PDE1A: variants seen among roughly 807,000 people sequenced by gnomAD.
PDE1A encodes phosphodiesterase 1A, also known as dual specificity calcium/calmodulin-dependent 3',5'-cyclic nucleotide phosphodiesterase 1A.
Under a neutral mutation model 61.7 loss-of-function variants are expected in PDE1A, and 35 were observed. That is an observed-to-expected ratio of 0.57 (90% CI 0.43 to 0.75). The LOEUF is 0.75. Ranked by LOEUF, PDE1A falls within the 30% of genes least tolerant of loss-of-function variation. The probability of loss-of-function intolerance (pLI) is 0.00; values close to 1 mark genes in which losing one functional copy is unlikely to be tolerated. For synonymous variants in PDE1A, 232 were observed against 213.2 expected, an observed-to-expected ratio of 1.09 and a Z score of -0.77; for missense variants, 597 against 630.6, an observed-to-expected ratio of 0.95 and a Z score of 0.57.
chr2:182,179,635 C>G (rs1395944186), intron 13 of PDE1A, among the ~76,000 whole-genome samples: 1 of 151,756 alleles, frequency 6.6e-6, no homozygotes, highest in East Asian at 1.9e-4. Flanking sequence ...GGTTTTCTAC[C>G]TCTCTCCTTC....
intron 1 of PDE1A, among the ~76,000 whole-genome samples, chr2:182,410,089 T>C (rs372645147): frequency 5.3e-5 from 8 of 152,318 alleles, no homozygotes; most frequent in Middle Eastern, 3.4e-3. Flanking sequence ...TGGTGGCTTA[T>C]GCTTGTAATC....
chr2:182,505,778 G>A (rs767547228), intron 2 of PDE1A, among the ~76,000 whole-genome samples: 2 of 152,194 alleles, frequency 1.3e-5, no homozygotes, highest in Non-Finnish European at 2.9e-5. Context: ...GCATGGCCAA[G>A]AGTAAGTATG....
the PDE1A span, among the ~76,000 whole-genome samples, chr2:182,603,635 T>A: frequency 2.6e-5 from 4 of 152,194 alleles, no homozygotes; most frequent in Admixed American, 2.6e-4. Context: ...TTATTAGTAG[T>A]TGCAGAATGC....
At chr2:182,449,350 G>T (rs962655192) in intron 2 of PDE1A, among the ~76,000 whole-genome samples, 1 of 151,428 alleles carries the variant, frequency 6.6e-6, no homozygotes, top group Non-Finnish European at 1.5e-5. Context: ...AAGAAGGAAG[G>T]AAGGAAGGGA....
intron 2 of PDE1A, among the ~76,000 whole-genome samples, chr2:182,470,888 G>C (rs1034122473): frequency 6.6e-6 from 1 of 151,780 alleles, no homozygotes; most frequent in Admixed American, 6.6e-5. Context: ...CATTTTTATA[G>C]AGATACTATG....
intron 1 of PDE1A, among the ~76,000 whole-genome samples, chr2:182,289,332 A>G (rs1305853824): frequency 1.3e-5 from 2 of 152,114 alleles, no homozygotes; most frequent in Non-Finnish European, 2.9e-5. Context: ...GATTTCAGGT[A>G]ACATAGCAGA....
intron 1 of PDE1A, among the ~76,000 whole-genome samples, chr2:182,353,145 A>G (rs1227283649): frequency 1.3e-5 from 2 of 152,186 alleles, no homozygotes; most frequent in Admixed American, 6.6e-5. Context: ...ACACTTGCTC[A>G]TGGCAAAGTA....
intron 1 of PDE1A, among the ~76,000 whole-genome samples, chr2:182,298,501 G>T (rs781111187): frequency 6.6e-6 from 1 of 152,206 alleles, no homozygotes; most frequent in South Asian, 2.1e-4. Context: ...GGGACAATGC[G>T]GGTGGATGCA....
chr2:182,228,529 A>G (rs1162604048), intron 6 of PDE1A, among the ~76,000 whole-genome samples: 1 of 152,144 alleles, frequency 6.6e-6, no homozygotes, highest in African/African-American at 2.4e-5. Flanking sequence ...AAATTTCTAT[A>G]AAGCTTTTTT....
At chr2:182,386,313 G>T (rs892287079) in intron 1 of PDE1A, among the ~76,000 whole-genome samples, 2 of 151,470 alleles carry the variant, frequency 1.3e-5, no homozygotes, top group Admixed American at 6.6e-5. Flanking sequence ...CCCATCATCT[G>T]GGATGTGAGG....
chr2:182,418,866 T>C (rs1035020527), intron 1 of PDE1A, among the ~76,000 whole-genome samples: 16 of 152,108 alleles, frequency 1.1e-4, no homozygotes, highest in African/African-American at 3.9e-4. Context: ...CACAGATGCA[T>C]GGAAAAGACC....
the PDE1A span, among the ~76,000 whole-genome samples, chr2:182,620,727 T>G: frequency 6.6e-6 from 1 of 152,218 alleles, no homozygotes; most frequent in African/African-American, 2.4e-5. Flanking sequence ...TACACAAATA[T>G]AATTTTCTTT....
intron 2 of PDE1A, among the ~76,000 whole-genome samples, chr2:182,485,381 G>A (rs1559504456): frequency 6.6e-6 from 1 of 152,044 alleles, no homozygotes; most frequent in Non-Finnish European, 1.5e-5. Flanking sequence ...ATGGGTGGGA[G>A]GAGAGGGAGG....
chr2:182,309,320 A>G (rs1343871168), intron 1 of PDE1A, among the ~76,000 whole-genome samples: 1 of 152,120 alleles, frequency 6.6e-6, no homozygotes, highest in Non-Finnish European at 1.5e-5. Flanking sequence ...ATAGAAAATA[A>G]CATTGAGCAT....
chr2:182,396,905 T>C (rs1029895834), intron 1 of PDE1A, among the ~76,000 whole-genome samples: 1 of 152,234 alleles, frequency 6.6e-6, no homozygotes, highest in African/African-American at 2.4e-5. Context: ...CTTTTACCTC[T>C]GGTTGTATTG....
chr2:182,256,332 G>A (rs1295463829), intron 2 of PDE1A, among the ~76,000 whole-genome samples: 13 of 146,522 alleles, frequency 8.9e-5, no homozygotes, highest in African/African-American at 2.5e-4. Context: ...GAGAATATGC[G>A]GTGTTTGGTT....
At chr2:182,522,515 G>A (rs1449926785) in intron 1 of PDE1A, 3 of 1,471,964 alleles carry the variant, frequency 2.0e-6, no homozygotes, top group African/African-American at 2.8e-5. Context: ...AAAGCTGAGG[G>A]AAGACTCTGA....
chr2:182,364,466 T>TAAAAA (rs201821721), intron 1 of PDE1A, among the ~76,000 whole-genome samples: 498 of 35,834 alleles, frequency 0.014, 127 homozygotes, highest in African/African-American at 0.037. Flanking sequence ...AACACTTTGG[T>TAAAAA]AAAAAAAAAA....
At chr2:182,671,685 T>C in the PDE1A span, among the ~76,000 whole-genome samples, 3 of 148,272 alleles carry the variant, frequency 2.0e-5, no homozygotes, top group South Asian at 4.3e-4. Flanking sequence ...AGTGGAGCGA[T>C]CTCAGCTCAC....
Sources: allele counts gnomAD v4.1 joint callset (sites outside exome capture counted in the v4.1 genomes callset), GRCh38; gene constraint gnomAD v4.1.1; transcripts MANE v1.5; gene names NCBI Gene and HGNC (gene_info 2026-07-23, HGNC 2026-07-21).